The following FER variants were observed in gnomAD, a reference collection of about 807,000 sequenced individuals.
FER encodes FER tyrosine kinase, also known as tyrosine-protein kinase Fer.
In FER, 63 loss-of-function variants were observed where a neutral mutation model predicts 111.0. The observed-to-expected ratio is 0.57, with a 90% CI of 0.46 to 0.70. The LOEUF is 0.70. FER is among the 30% of genes least tolerant of loss of function. The pLI is 0.00. For synonymous variants in FER, 327 were observed against 313.9 expected (o/e 1.04, Z -0.44); for missense variants, 914 against 954.0 (o/e 0.96, Z 0.55).
intron 16 of FER, among the ~76,000 whole-genome samples, chr5:109,061,561 A>G (rs1338485894): frequency 6.6e-6 from 1 of 152,188 alleles, no homozygotes; most frequent in African/African-American, 2.4e-5. Context: ...ATGTGGGTCA[A>G]AATATATAAT....
intron 5 of FER, among the ~76,000 whole-genome samples, chr5:108,843,816 C>T (rs1022886304): frequency 3.9e-5 from 6 of 151,930 alleles, no homozygotes; most frequent in Admixed American, 3.9e-4. Flanking sequence ...TGTGAGCCAC[C>T]ATGCCTGGCT....
chr5:108,946,859 A>G (rs1757056188), intron 11 of FER, among the ~76,000 whole-genome samples: 1 of 151,932 alleles, frequency 6.6e-6, no homozygotes, highest in South Asian at 2.1e-4. Flanking sequence ...CAGGCACTCC[A>G]GTGTATACAC....
chr5:108,810,985 C>G (rs1200029217), intron 3 of FER, among the ~76,000 whole-genome samples: 1 of 152,048 alleles, frequency 6.6e-6, no homozygotes, highest in Admixed American at 6.6e-5. Context: ...GATCTATGCA[C>G]AGGAAGGGTG....
chr5:108,802,527 T>C (rs922906685), intron 3 of FER, among the ~76,000 whole-genome samples: 13 of 151,956 alleles, frequency 8.6e-5, no homozygotes, highest in African/African-American at 2.4e-4. Context: ...CCCTCTAATA[T>C]TCTGTAGTGC....
At chr5:108,785,664 TG>T in intron 2 of FER, 1 of 338,718 alleles carries the variant, frequency 3.0e-6, no homozygotes, top group Non-Finnish European at 5.7e-6. Flanking sequence ...TGTTTGTTTT[TG>T]TTGAGGTTCC....
chr5:108,976,167 GTC>G (rs1328024942), intron 13 of FER, among the ~76,000 whole-genome samples: 15 of 152,058 alleles, frequency 9.9e-5, no homozygotes, highest in Admixed American at 6.6e-5. Context: ...GGCTCCATTG[GTC>G]TCTCTCACTT....
At chr5:108,868,825 C>T (rs945514927) in intron 6 of FER, among the ~76,000 whole-genome samples, 1 of 152,048 alleles carries the variant, frequency 6.6e-6, no homozygotes, top group African/African-American at 2.4e-5. Context: ...TCTGTAATTA[C>T]ATAAATTAGC....
chr5:109,001,455 A>G (rs977219694), intron 13 of FER, among the ~76,000 whole-genome samples: 13 of 152,218 alleles, frequency 8.5e-5, no homozygotes, highest in African/African-American at 2.9e-4. Flanking sequence ...AAAAACTCTC[A>G]ATCAATTAGG....
chr5:109,005,141 G>A (rs750773845), intron 13 of FER, among the ~76,000 whole-genome samples: 86 of 152,006 alleles, frequency 5.7e-4, no homozygotes, highest in Admixed American at 1.6e-3. Flanking sequence ...ACGAGATGAT[G>A]CAGCTGCCCT....
chr5:108,975,875 G>C (rs1761270107), intron 13 of FER, among the ~76,000 whole-genome samples: 1 of 152,146 alleles, frequency 6.6e-6, no homozygotes, highest in South Asian at 2.1e-4. Flanking sequence ...TAATTCAGCA[G>C]CTAGGTGATG....
rs182821005 is a variant in FER at position 108,837,140 on chromosome 5, T to C, written c.481+1333T>C. ...GGAGTCAGAGAGTCCTGGATTTAAGTTCCAACATTGTGTGATTATTTCATA... is the reference window on the plus strand; with the variant it reads ...GGAGTCAGAGAGTCCTGGATTTAAGCTCCAACATTGTGTGATTATTTCATA... On this transcript the variant is annotated intron_variant, in intron 5 of 19. Coordinates refer to ENST00000281092, the MANE Select transcript of FER (RefSeq NM_005246.4). Among the ~76,000 whole-genome samples the C allele has an allele frequency of 5.3e-5, 8 of 152,344 alleles. No homozygotes were observed. The East Asian group carries it at 1.5e-3, about 29-fold the overall frequency.
At chr5:108,877,087 AT>A (rs1334797534) in intron 8 of FER, among the ~76,000 whole-genome samples, 1 of 152,196 alleles carries the variant, frequency 6.6e-6, no homozygotes, top group African/African-American at 2.4e-5. Flanking sequence ...GATGATACCA[AT>A]TTAACCCATC....
At chr5:108,910,230 A>G (rs1379449346) in intron 10 of FER, among the ~76,000 whole-genome samples, 2 of 152,206 alleles carry the variant, frequency 1.3e-5, no homozygotes, top group South Asian at 2.1e-4. Flanking sequence ...AAGAAATGCA[A>G]TTAGAAATTA....
At chr5:108,976,078 G>C (rs1429135616) in intron 13 of FER, among the ~76,000 whole-genome samples, 3 of 152,196 alleles carry the variant, frequency 2.0e-5, no homozygotes, top group African/African-American at 7.2e-5. Context: ...GAAAATACCT[G>C]AAGGTTTGGA....
In FER at chr5:108,883,512, A is replaced by C. The variant is rs148708882; in HGVS notation, c.1040A>C (p.Lys347Thr). Residue 347 changes from lysine (K) to threonine (T), a missense_variant, in exon 9 of 20, where the codon AAG (lysine) becomes ACG (threonine). Coordinates refer to ENST00000281092, the MANE Select transcript of FER (RefSeq NM_005246.4). ...GAATCTTCTGAAACTTGTGAGAAGA[A>C]GTCTGAGTGAGTAAAAGAGAAACAA... The part of the protein sequence containing the change: ...IEESSETCEK[K>T]SDIVLLLSQK... 9.4e-6 allele frequency: 15 copies of C among 1,592,066 alleles called. No homozygotes were observed. Among genetic ancestry groups the C allele is most frequent in the Non-Finnish European group, 1.7e-6 (2 of 1,170,384 alleles).
chr5:109,051,587 C>T (rs1772836557), intron 16 of FER: 7 of 1,607,404 alleles, frequency 4.4e-6, no homozygotes, highest in South Asian at 2.2e-5. Flanking sequence ...TTGTTTCTGT[C>T]GCCATTAACC....
At chr5:108,957,426 G>A (rs1195890296) in intron 12 of FER, among the ~76,000 whole-genome samples, 1 of 151,486 alleles carries the variant, frequency 6.6e-6, no homozygotes, top group Non-Finnish European at 1.5e-5. Context: ...CAGTAGAATG[G>A]CTATTATTAA....
intron 1 of FER, among the ~76,000 whole-genome samples, chr5:108,753,025 C>T (rs1005899975): frequency 1.7e-4 from 26 of 152,120 alleles, no homozygotes; most frequent in African/African-American, 6.3e-4. Context: ...GTTATTTTAT[C>T]TCTTTAAGTC....
chr5:108,804,160 G>A (rs777131818), intron 3 of FER, among the ~76,000 whole-genome samples: 1 of 151,942 alleles, frequency 6.6e-6, no homozygotes, highest in Non-Finnish European at 1.5e-5. Flanking sequence ...ATATAGAATT[G>A]GTGCTGATTT....
Sources: gnomAD v4.1 joint callset for allele counts (sites outside exome capture counted in the v4.1 genomes callset) on GRCh38, gnomAD v4.1.1 for gene constraint, MANE v1.5 for transcripts, NCBI Gene and HGNC (gene_info 2026-07-23, HGNC 2026-07-21) for gene names.